MRPS28: variants seen among roughly 807,000 people sequenced by gnomAD.
The protein encoded by MRPS28 is small ribosomal subunit protein bS1m.
In MRPS28, 7 loss-of-function variants were observed where a neutral mutation model predicts 10.8. The ratio of observed to expected loss-of-function variants is 0.65; its 90% CI spans 0.37 to 1.22. The LOEUF (loss-of-function observed/expected upper bound fraction) is 1.22, where lower values mean the gene tolerates loss of function less well. MRPS28 is among the 50% of genes most tolerant of loss of function. The pLI, the probability that MRPS28 is intolerant of heterozygous loss-of-function variation, is 0.02. For missense variants in MRPS28, 265 were observed against 232.9 expected (o/e 1.14, Z -0.90); for synonymous variants, 121 against 93.3 (o/e 1.30, Z -1.71).
At chr8:80,020,769 A>G (rs1371231858) in intron 1 of MRPS28, among the ~76,000 whole-genome samples, 1 of 152,190 alleles carries the variant, frequency 6.6e-6, no homozygotes, top group African/African-American at 2.4e-5. Context: ...TCGTAAAAAG[A>G]CATAGGAAAT....
At chr8:79,939,977 T>TTA (rs1806723475) in intron 2 of MRPS28, among the ~76,000 whole-genome samples, 3 of 140,690 alleles carry the variant, frequency 2.1e-5, no homozygotes, top group African/African-American at 5.2e-5. Context: ...CCGTCTCAAA[T>TTA]AAAAAAAAAA....
At chr8:79,997,744 T>A (rs1396844801) in intron 2 of MRPS28, among the ~76,000 whole-genome samples, 2 of 152,064 alleles carry the variant, frequency 1.3e-5, no homozygotes, top group Non-Finnish European at 2.9e-5. Flanking sequence ...AATTTCTTAA[T>A]ATAAACACAT....
intron 1 of MRPS28, among the ~76,000 whole-genome samples, chr8:80,008,695 A>G (rs1331289229): frequency 6.6e-6 from 1 of 152,270 alleles, no homozygotes; most frequent in African/African-American, 2.4e-5. Flanking sequence ...ACTGGCCATC[A>G]GAGAAATGCA....
At chr8:79,954,444 A>G (rs999591755) in intron 2 of MRPS28, among the ~76,000 whole-genome samples, 1 of 152,128 alleles carries the variant, frequency 6.6e-6, no homozygotes, top group Non-Finnish European at 1.5e-5. Flanking sequence ...AATCTAGCCA[A>G]TGTTACCAGT....
chr8:79,963,951 A>T (rs1460329851), intron 2 of MRPS28, among the ~76,000 whole-genome samples: 2 of 152,136 alleles, frequency 1.3e-5, no homozygotes, highest in African/African-American at 4.8e-5. Flanking sequence ...GTTAAAATAT[A>T]AAAAAGGTAA....
intron 2 of MRPS28, 95 bp from the exon 3 acceptor site, chr8:79,919,243 T>C: frequency 1.0e-6 from 1 of 985,008 alleles, no homozygotes; most frequent in Non-Finnish European, 1.4e-6. Context: ...TTTTAATTTG[T>C]GTTAGCTCAA....
intron 1 of MRPS28, among the ~76,000 whole-genome samples, chr8:80,020,535 A>C (rs938037329): frequency 6.6e-6 from 1 of 152,182 alleles, no homozygotes; most frequent in African/African-American, 2.4e-5. Flanking sequence ...AAATGGAAAG[A>C]ATTGAAAAGA....
intron 1 of MRPS28, among the ~76,000 whole-genome samples, chr8:80,026,219 G>GT (rs1294958376): frequency 1.9e-4 from 29 of 152,146 alleles, no homozygotes; most frequent in Admixed American, 6.5e-4. Context: ...GGTAAAGCAA[G>GT]TTTTTTCACA....
chr8:80,003,210 T>C (rs377045247), intron 1 of MRPS28, 30 bp from the exon 2 acceptor site: 2 of 1,424,628 alleles, frequency 1.4e-6, no homozygotes, highest in Non-Finnish European at 1.9e-6. Flanking sequence ...TTTATATACA[T>C]ATAACTCAAC....
At chr8:79,944,971 A>T (rs1291678452) in intron 2 of MRPS28, among the ~76,000 whole-genome samples, 2 of 152,200 alleles carry the variant, frequency 1.3e-5, no homozygotes, top group African/African-American at 4.8e-5. Context: ...CTGGGATTAC[A>T]GGCATGAGCC....
At position 80,029,139 on chromosome 8, in the gene MRPS28, C is replaced by T. The variant is rs565481217; in HGVS notation, c.213+897G>A. Among the ~76,000 whole-genome samples, 23 of 152,318 alleles carry T rather than the reference C, an allele frequency of 1.5e-4. No individual in the cohort carries two copies. The South Asian group carries it at 4.6e-3, about 30-fold the overall frequency. On this transcript the variant is annotated intron_variant, in intron 1 of 2. Transcript: ENST00000276585. ...TCACAACCCTAACAACAACACATTT[C>T]CTGTGTTTTACGCCACTAAATTTGT... is the stretch of plus-strand genomic sequence containing the variant.
At chr8:79,948,535 T>C (rs1045086830) in intron 2 of MRPS28, among the ~76,000 whole-genome samples, 7 of 152,204 alleles carry the variant, frequency 4.6e-5, no homozygotes, top group African/African-American at 1.7e-4. Context: ...AGAATGGACA[T>C]CTATGTCTTA....
chr8:79,922,649 G>A (rs867260930), intron 2 of MRPS28, among the ~76,000 whole-genome samples: 3 of 151,916 alleles, frequency 2.0e-5, no homozygotes, highest in South Asian at 2.1e-4. Context: ...CATAACATAT[G>A]ATGACTCAAT....
chr8:80,015,571 TCAC>T (rs944217618), intron 1 of MRPS28, among the ~76,000 whole-genome samples: 3 of 152,124 alleles, frequency 2.0e-5, no homozygotes, highest in South Asian at 2.1e-4. Context: ...ACACACCCTA[TCAC>T]CACATTACTA....
At chr8:79,951,828 G>A (rs1406062374) in intron 2 of MRPS28, among the ~76,000 whole-genome samples, 1 of 152,162 alleles carries the variant, frequency 6.6e-6, no homozygotes, top group East Asian at 1.9e-4. Context: ...GATCAAGCCT[G>A]AGTATAAAAC....
intron 2 of MRPS28, among the ~76,000 whole-genome samples, chr8:79,921,248 G>A (rs1810085438): frequency 6.6e-6 from 1 of 151,968 alleles, no homozygotes; most frequent in Admixed American, 6.6e-5. Flanking sequence ...TGTTCTTTTG[G>A]CTTAGGATTG....
At chr8:79,969,267 G>A (rs1451979090) in intron 2 of MRPS28, among the ~76,000 whole-genome samples, 1 of 152,098 alleles carries the variant, frequency 6.6e-6, no homozygotes, top group Non-Finnish European at 1.5e-5. Context: ...AAGAAAAAAA[G>A]CCATTTATGT....
At chr8:80,009,428 A>AAAAT (rs758206724) in intron 1 of MRPS28, among the ~76,000 whole-genome samples, 133 of 151,938 alleles carry the variant, frequency 8.8e-4, no homozygotes, top group Non-Finnish European at 1.6e-3. Context: ...AGTATAATAA[A>AAAAT]AAATAAATAA....
chr8:79,928,594 C>T (rs1806367246), intron 2 of MRPS28, among the ~76,000 whole-genome samples: 1 of 151,848 alleles, frequency 6.6e-6, no homozygotes, highest in African/African-American at 2.4e-5. Context: ...TGTGTGCTAC[C>T]ACACCTGGCT....
Sources: gnomAD v4.1 joint callset for allele counts (sites outside exome capture counted in the v4.1 genomes callset) on GRCh38, gnomAD v4.1.1 for gene constraint, MANE v1.5 for transcripts, NCBI Gene and HGNC (gene_info 2026-07-23, HGNC 2026-07-21) for gene names.